FOXJ2: variants seen among roughly 807,000 people sequenced by gnomAD.
FOXJ2 encodes the protein forkhead box J2.
A neutral mutation model predicts 68.4 loss-of-function variants in FOXJ2; 18 were observed. The observed-to-expected ratio is 0.26, with a 90% CI of 0.18 to 0.39. The LOEUF (loss-of-function observed/expected upper bound fraction) is 0.39, where lower values mean the gene tolerates loss of function less well. Among genes scored for constraint, FOXJ2 ranks in the 10% least tolerant of loss-of-function variants. The pLI, the probability that FOXJ2 is intolerant of heterozygous loss-of-function variation, is 1.00. For synonymous variants in FOXJ2, 274 were observed against 263.2 expected (o/e 1.04, Z -0.40); for missense variants, 670 against 726.5 (o/e 0.92, Z 0.89).
intron 2 of FOXJ2, among the ~76,000 whole-genome samples, chr12:8,042,185 A>G (rs1328231628): frequency 6.6e-6 from 1 of 152,118 alleles, no homozygotes; most frequent in East Asian, 1.9e-4. Flanking sequence ...ACCCCAACAC[A>G]CTTATACAAT....
In FOXJ2 at chr12:8,038,742, G is replaced by A. The variant is rs141525089; in HGVS notation, c.-14-1077G>A. ...ACTAGCTATACCTCTCTGCTGGCAA[G>A]AGTGCCCAGGCAGTGTGGGTGGCAG... On this transcript the variant is annotated intron_variant, in intron 1 of 10. Coordinates refer to ENST00000162391, the MANE Select transcript of FOXJ2 (RefSeq NM_018416.3). This position sits in a 1 kb window ranked among gnomAD's most constrained non-coding sequence, Gnocchi z 5.3. 1.2e-3 allele frequency among the ~76,000 whole-genome samples: 186 copies of A among 152,368 alleles called. No homozygotes were observed. The highest frequency in any genetic ancestry group is 3.6e-3 in the African/African-American group (150 of 41,574).
Position 8,040,066 on chromosome 12 carries a change from C to G in FOXJ2, c.234C>G (p.Ala78=). 6.2e-7 allele frequency: 1 copy of G among 1,614,186 alleles called. No individual in the cohort carries two copies. Among genetic ancestry groups the G allele is most frequent in the South Asian group, 1.1e-5 (1 of 91,084 alleles). The change falls in exon 2 of 11, where the codon GCC becomes GCG. Residue 78 remains alanine (A), a synonymous_variant. Coordinates refer to ENST00000162391, the MANE Select transcript of FOXJ2 (RefSeq NM_018416.3). The surrounding 1 kb of genome is among the most constrained non-coding windows in gnomAD (Gnocchi z 4.0). The part of the protein sequence containing the change: ...RYSYATLITY[A]INSSPAKKMT... ...GCTATGCCACTCTCATCACCTATGC[C>G]ATCAACTCCTCTCCAGCCAAGAAGA...
Position 8,048,915 on chromosome 12 carries a change from T to C in FOXJ2, c.1327+117T>C, listed in dbSNP as rs1320370175. 4.0e-6 allele frequency: 3 copies of C among 749,128 alleles called. No individual in the cohort carries two copies. In the East Asian group the frequency reaches 7.5e-5, roughly 19 times the overall value. The allele number at this position is 749,128 out of a possible 1,614,324, so 46.4% of individuals were successfully genotyped here. A position where few individuals can be genotyped will look rare whatever the true frequency, so the allele number is the denominator to read the frequency against. On this transcript the variant is annotated intron_variant, in intron 8 of 10. Transcript: ENST00000162391. ...TGCAGAAATGAGGATTTCATTGTTT[T>C]TCTTTCTTTTTACACAAGATGGATC...
intron 2 of FOXJ2, among the ~76,000 whole-genome samples, chr12:8,041,590 T>C (rs977731036): frequency 1.3e-5 from 2 of 151,820 alleles, no homozygotes; most frequent in African/African-American, 4.8e-5. Flanking sequence ...CACAGCTTAC[T>C]GCAGCTTGAA....
At chr12:8,047,778 C>A in intron 6 of FOXJ2, 104 bp from the exon 7 acceptor site, 1 of 1,410,366 alleles carries the variant, frequency 7.1e-7, no homozygotes, top group Non-Finnish European at 9.6e-7. Flanking sequence ...ACCCTTTTAA[C>A]TCCACAGTTT....
In FOXJ2 at chr12:8,039,894, G is replaced by A. The variant is rs750670202; in HGVS notation, c.62G>A (p.Arg21Gln). ...GACTGGCTCCCCCAGCTGACCCTCCGAGCTACCATTGAGAAGCTTGGAAGT... is the reference window on the plus strand; with the variant it reads ...GACTGGCTCCCCCAGCTGACCCTCCAAGCTACCATTGAGAAGCTTGGAAGT... ...SIDWLPQLTL[R>Q]ATIEKLGSAS... Residue 21 changes from arginine (R) to glutamine (Q), a missense_variant, in exon 2 of 11, where the codon CGA (arginine) becomes CAA (glutamine). This residue lies in a region of FOXJ2 where 115 missense variants were observed against 164.3 expected (regional missense o/e 0.70). Coordinates refer to ENST00000162391, the MANE Select transcript of FOXJ2 (RefSeq NM_018416.3). 1.1e-5 allele frequency: 17 copies of A among 1,613,914 alleles called. No individual in the cohort carries two copies. Among genetic ancestry groups the A allele is most frequent in the Admixed American group, 6.7e-5 (4 of 59,994 alleles).
intron 8 of FOXJ2, 69 bp downstream of exon 8, chr12:8,048,867 G>A (rs969504370): frequency 5.2e-5 from 66 of 1,262,412 alleles, no homozygotes; most frequent in Admixed American, 1.1e-4. Context: ...AACTGGAACC[G>A]GAAGGGGGTG....
At position 8,044,992 on chromosome 12, in the gene FOXJ2, T is replaced by C. The variant is rs750619857; in HGVS notation, c.817+34T>C. On this transcript the variant is annotated intron_variant, in intron 6 of 10. Transcript: ENST00000162391. ...GGAGTTGGGATGGGTGCAGGGAGAC[T>C]TTTTTATCTTGTTGAACAAGTGGGG... is the stretch of plus-strand genomic sequence containing the variant. 1.1e-5 allele frequency: 17 copies of C among 1,577,182 alleles called. No homozygotes were observed. In the South Asian group the frequency reaches 1.8e-4, roughly 17 times the overall value.
chr12:8,033,619 AG>A lies in FOXJ2; in HGVS notation c.-227del, dbSNP rs1170626400. ...GGGGGGTGTGCCACCTTCCCCAAGT[AG>A]GACCTCCTTCTCCTCCCCCTCCCCC... On this transcript the variant is annotated 5_prime_UTR_variant, in exon 1 of 11. Coordinates refer to ENST00000162391, the MANE Select transcript of FOXJ2 (RefSeq NM_018416.3). The A allele has an allele frequency of 6.6e-6, 1 of 152,670 alleles. No individual in the cohort carries two copies. The highest frequency in any genetic ancestry group is 1.5e-5 in the Non-Finnish European group (1 of 68,192). 9.5% of individuals were successfully genotyped at this position (152,670 alleles called of 1,614,324 possible). A position where few individuals can be genotyped will look rare whatever the true frequency, so the allele number is the denominator to read the frequency against.
In FOXJ2 at chr12:8,032,731, C is replaced by G. The variant is rs1946850729; in HGVS notation, c.-1117C>G. The G allele has an allele frequency of 5.1e-6, 2 of 394,320 alleles. No individual in the cohort carries two copies. Among genetic ancestry groups the G allele is most frequent in the Non-Finnish European group, 9.0e-6 (2 of 223,364 alleles). 24.4% of individuals were successfully genotyped at this position (394,320 alleles called of 1,614,324 possible). A position where few individuals can be genotyped will look rare whatever the true frequency, so the allele number is the denominator to read the frequency against. ...GCCGGGGCCTGCAGCGGAGCCGAGC[C>G]GAGCCCGAGCCCGCGCCGAGCCCTG... is the stretch of plus-strand genomic sequence containing the variant. On this transcript the variant is annotated 5_prime_UTR_variant, in exon 1 of 11. Coordinates refer to ENST00000162391, the MANE Select transcript of FOXJ2 (RefSeq NM_018416.3). The surrounding 1 kb of genome is among the most constrained non-coding windows in gnomAD (Gnocchi z 4.8).
At chr12:8,041,201 C>CT (rs373996996) in intron 2 of FOXJ2, among the ~76,000 whole-genome samples, 165 of 144,674 alleles carry the variant, frequency 1.1e-3, no homozygotes, top group Middle Eastern at 3.6e-3. Flanking sequence ...CTTTTCTTTT[C>CT]TTTTTTTTTT....
At position 8,055,321 on chromosome 12, in the gene FOXJ2, T is replaced by G. The variant is rs1274636081; in HGVS notation, c.*2471T>G. Reference sequence around the variant, plus strand: ...GGACAAAAGGAGTAATTATTTGGTATAGATCCACCCATCCCAACCTTTCTC... The same window carrying G: ...GGACAAAAGGAGTAATTATTTGGTAGAGATCCACCCATCCCAACCTTTCTC... On this transcript the variant is annotated 3_prime_UTR_variant, in exon 11 of 11. Coordinates refer to ENST00000162391, the MANE Select transcript of FOXJ2 (RefSeq NM_018416.3). 1 of 152,640 alleles carries G rather than the reference T, an allele frequency of 6.6e-6. No homozygotes were observed. The highest frequency in any genetic ancestry group is 1.5e-5 in the Non-Finnish European group (1 of 68,044). The allele number at this position is 152,640 out of a possible 1,614,324, so 9.5% of individuals were successfully genotyped here.
Position 8,048,759 on chromosome 12 carries a change from C to A in FOXJ2, c.1288C>A (p.Arg430=), listed in dbSNP as rs141222876. Residue 430 remains arginine, a synonymous_variant, in exon 8 of 11, where the codon CGG becomes AGG. Coordinates refer to ENST00000162391, the MANE Select transcript of FOXJ2 (RefSeq NM_018416.3). ...SLKESFKMVN[R]LNWSSIEQSQ... ...AAAGGAAAGCTTCAAGATGGTGAATCGGCTCAATTGGTCCAGCATTGAGCA... is the reference window on the plus strand; with the variant it reads ...AAAGGAAAGCTTCAAGATGGTGAATAGGCTCAATTGGTCCAGCATTGAGCA... 4.3e-6 allele frequency: 7 copies of A among 1,613,946 alleles called. No homozygotes were observed. In the African/African-American group the frequency reaches 5.3e-5, roughly 12 times the overall value.
intron 10 of FOXJ2, 83 bp from the exon 11 acceptor site, chr12:8,052,679 C>A: frequency 8.3e-7 from 1 of 1,203,582 alleles, no homozygotes; most frequent in Non-Finnish European, 1.2e-6. Context: ...GTGGTGTTAT[C>A]TGGGGCTGAG....
In FOXJ2 at chr12:8,047,978, A is replaced by G. The variant is rs756876726; in HGVS notation, c.914A>G (p.Gln305Arg). 6 of 1,612,966 alleles carry G rather than the reference A, an allele frequency of 3.7e-6. No homozygotes were observed. Among genetic ancestry groups the G allele is most frequent in the South Asian group, 3.3e-5 (3 of 91,024 alleles). ...CCACCTCAACAGCAGCAGCAGCAGC[A>G]GCAGCCGCCACAGCCACCTCCCCAG... is the stretch of plus-strand genomic sequence containing the variant. ...PPPPQQQQQQQQPPQPPPQQS... is the reference protein window; with the variant it reads ...PPPPQQQQQQRQPPQPPPQQS... Residue 305 changes from glutamine (Q) to arginine (R), a missense_variant, in exon 7 of 11, where the codon CAG becomes CGG. Around this residue, in one of 2 missense-constraint regions of FOXJ2, gnomAD observed 555 missense variants for 562.2 expected, o/e 0.99. Coordinates refer to ENST00000162391, the MANE Select transcript of FOXJ2 (RefSeq NM_018416.3).
intron 1 of FOXJ2, 116 bp from the exon 2 acceptor site, chr12:8,039,703 A>G: frequency 1.2e-6 from 1 of 865,322 alleles, no homozygotes; most frequent in Middle Eastern, 2.3e-4. Context: ...GTGGAAGGCC[A>G]TGCCATGGGT....
chr12:8,049,514 C>T lies in FOXJ2; in HGVS notation c.1480C>T (p.Arg494Cys), dbSNP rs760030335. 1.6e-5 allele frequency: 26 copies of T among 1,613,792 alleles called. No individual in the cohort carries two copies. In the African/African-American group the frequency reaches 2.5e-4, roughly 16 times the overall value. The change falls in exon 9 of 11, where the codon CGT (arginine) becomes TGT (cysteine). Residue 494 changes from arginine to cysteine, a missense_variant. Physicochemically the swap from Arg to Cys is radical, Grantham distance 180 (BLOSUM62 -3). Transcript: ENST00000162391. ...TACCCACCGCCCACCAGCCCCTGCC[C>T]GTATTGCTGACTCCTGTGCCCTCAC... is the stretch of plus-strand genomic sequence containing the variant. ...GGTHRPPAPA[R>C]IADSCALTSG...
At chr12:8,052,246 G>A (rs1405716985) in intron 10 of FOXJ2, among the ~76,000 whole-genome samples, 4 of 143,744 alleles carry the variant, frequency 2.8e-5, no homozygotes, top group East Asian at 4.2e-4. Context: ...TTTTTGAGAC[G>A]GAGTCTCGCT....
chr12:8,033,854 T>G (rs1399887919), intron 1 of FOXJ2, 21 bp downstream of exon 1: 3 of 152,590 alleles, frequency 2.0e-5, no homozygotes, highest in African/African-American at 7.2e-5. Flanking sequence ...TCTTTCATCT[T>G]CTCTCTGTCA....
Sources: allele counts gnomAD v4.1 joint callset (sites outside exome capture counted in the v4.1 genomes callset), GRCh38; gene constraint gnomAD v4.1.1; regional missense constraint gnomAD v4.1.1; non-coding constraint Gnocchi (gnomAD v3.1); transcripts MANE v1.5; gene names NCBI Gene and HGNC (gene_info 2026-07-23, HGNC 2026-07-21).